The following ASIC2 variants were observed in gnomAD, a reference collection of about 807,000 sequenced individuals.
ASIC2 encodes the protein acid-sensing ion channel 2.
Under a neutral mutation model 57.3 loss-of-function variants are expected in ASIC2, and 25 were observed. The observed-to-expected ratio is 0.44, with a 90% CI of 0.32 to 0.61. The LOEUF (loss-of-function observed/expected upper bound fraction) is 0.61. ASIC2 is among the 20% of genes least tolerant of loss of function. ASIC2 has a pLI of 0.06. For missense variants in ASIC2, 641 were observed against 738.1 expected (o/e 0.87, Z 1.52); for synonymous variants, 319 against 307.5 (o/e 1.04, Z -0.39).
chr17:33,876,010 TA>T (rs1489685488), intron 1 of ASIC2, among the ~76,000 whole-genome samples: 1 of 152,110 alleles, frequency 6.6e-6, no homozygotes, highest in Non-Finnish European at 1.5e-5. Flanking sequence ...CAAACATATT[TA>T]AAATAAAAAA....
intron 1 of ASIC2, among the ~76,000 whole-genome samples, chr17:33,207,033 C>T (rs574391673): frequency 2.9e-4 from 44 of 152,220 alleles, no homozygotes; most frequent in African/African-American, 9.4e-4. Context: ...TAATAATTCC[C>T]GCCCTGACCA....
rs575579414 is a variant in ASIC2 at position 33,986,805 on chromosome 17, G to T, written c.555+169173C>A. On this transcript the variant is annotated intron_variant, in intron 1 of 9. Coordinates refer to the ASIC2 transcript ENST00000359872. ...ATCTGGGTCTCAGGGAGATTAAGTA[G>T]CTTACAGAGCTGGGATTTGGATAAA... is the stretch of plus-strand genomic sequence containing the variant. 8.5e-5 allele frequency among the ~76,000 whole-genome samples: 13 copies of T among 152,240 alleles called. No individual in the cohort carries two copies. In the South Asian group the frequency reaches 2.7e-3, roughly 32 times the overall value.
chr17:33,849,509 T>C (rs2141914470), intron 1 of ASIC2, among the ~76,000 whole-genome samples: 1 of 152,298 alleles, frequency 6.6e-6, no homozygotes, highest in African/African-American at 2.4e-5. Flanking sequence ...CCAAGTCTGT[T>C]CTCTTAAAAA....
At position 33,342,279 on chromosome 17, in the gene ASIC2, C is replaced by T. The variant is rs572457077; in HGVS notation, c.556-230212G>A. ...CCTTACTCATTGTTAGGGCTTTGAA[C>T]TGCAAATTGGCTTTTTGTGGAGAGT... On this transcript the variant is annotated intron_variant, in intron 1 of 9. Transcript: ENST00000359872. Among the ~76,000 whole-genome samples the T allele has an allele frequency of 9.2e-5, 14 of 152,056 alleles. No individual in the cohort carries two copies. The South Asian group carries it at 2.3e-3, about 25-fold the overall frequency.
chr17:33,580,798 A>T (rs185594615), intron 1 of ASIC2, among the ~76,000 whole-genome samples: 1 of 152,350 alleles, frequency 6.6e-6, no homozygotes, highest in Non-Finnish European at 1.5e-5. Context: ...GATATGAAAA[A>T]TAACTAAGTT....
rs544285451 is a variant in ASIC2 at position 33,374,775 on chromosome 17, A to G, written c.556-262708T>C. Among the ~76,000 whole-genome samples, 3 of 152,218 alleles carry G rather than the reference A, an allele frequency of 2.0e-5. No individual in the cohort carries two copies. In the South Asian group the frequency reaches 6.2e-4, roughly 32 times the overall value. On this transcript the variant is annotated intron_variant, in intron 1 of 9. Transcript: ENST00000359872. ...GCCTCAATGTTTCCACTTGGCACCC[A>G]CAGGACCCTGAGCCTATTTTTCACT...
chr17:34,054,603 T>C (rs2142056098), intron 1 of ASIC2, among the ~76,000 whole-genome samples: 1 of 152,276 alleles, frequency 6.6e-6, no homozygotes, highest in South Asian at 2.1e-4. Context: ...CTTCAAAACA[T>C]GCCAAAATAG....
At chr17:33,557,258 C>T (rs1010302513) in intron 1 of ASIC2, among the ~76,000 whole-genome samples, 1 of 150,866 alleles carries the variant, frequency 6.6e-6, no homozygotes, top group African/African-American at 2.4e-5. Flanking sequence ...CAAGTGTAGT[C>T]TCAGGTCTAT....
chr17:33,545,483 T>C (rs997188055), intron 1 of ASIC2, among the ~76,000 whole-genome samples: 22 of 152,176 alleles, frequency 1.4e-4, no homozygotes, highest in Non-Finnish European at 1.2e-4. Context: ...GGATTTCTAC[T>C]GTGCTCTATT....
intron 1 of ASIC2, among the ~76,000 whole-genome samples, chr17:34,057,683 G>C (rs1908819892): frequency 6.6e-6 from 1 of 152,200 alleles, no homozygotes; most frequent in South Asian, 2.1e-4. Context: ...AGGCAAGAGG[G>C]TCAAGGATTA....
intron 3 of ASIC2, among the ~76,000 whole-genome samples, chr17:33,062,371 T>G (rs2092024474): frequency 6.6e-6 from 1 of 152,224 alleles, no homozygotes; most frequent in South Asian, 2.1e-4. Flanking sequence ...GTCTTTGTTC[T>G]TGTTGGTTTC....
chr17:34,079,342 A>G (rs1311725729), intron 1 of ASIC2, among the ~76,000 whole-genome samples: 1 of 152,056 alleles, frequency 6.6e-6, no homozygotes, highest in African/African-American at 2.4e-5. Context: ...TGGTTTTCCA[A>G]ACTCATCTCT....
intron 1 of ASIC2, among the ~76,000 whole-genome samples, chr17:33,963,704 A>C (rs1244230112): frequency 6.6e-6 from 1 of 152,142 alleles, no homozygotes; most frequent in Non-Finnish European, 1.5e-5. Flanking sequence ...TCTGAATGAG[A>C]CCTTTAAACT....
intron 1 of ASIC2, among the ~76,000 whole-genome samples, chr17:33,311,426 A>ATC (rs1481554589): frequency 8.5e-6 from 1 of 118,334 alleles, no homozygotes; most frequent in East Asian, 3.1e-4. Flanking sequence ...CTGTCTGTCT[A>ATC]TCTGTGTGTG....
At chr17:33,545,568 G>A (rs541290139) in intron 1 of ASIC2, among the ~76,000 whole-genome samples, 2 of 152,140 alleles carry the variant, frequency 1.3e-5, no homozygotes, top group African/African-American at 4.8e-5. Context: ...TTTCTCCCCA[G>A]CCACCTCTAA....
intron 1 of ASIC2, among the ~76,000 whole-genome samples, chr17:33,255,757 T>C (rs1909045604): frequency 6.6e-6 from 1 of 152,232 alleles, no homozygotes; most frequent in Non-Finnish European, 1.5e-5. Flanking sequence ...AAGGTGTTTA[T>C]AATTAATAAT....
At chr17:33,138,115 T>C (rs535039032) in intron 1 of ASIC2, among the ~76,000 whole-genome samples, 1 of 152,054 alleles carries the variant, frequency 6.6e-6, no homozygotes, top group African/African-American at 2.4e-5. Context: ...ATTCAAGAGG[T>C]CTGGCACCAG....
intron 1 of ASIC2, among the ~76,000 whole-genome samples, chr17:33,537,157 A>T (rs985600785): frequency 7.9e-5 from 12 of 151,962 alleles, no homozygotes; most frequent in African/African-American, 2.9e-4. Context: ...CACCTTTCTG[A>T]CTCAGCCTCT....
chr17:33,864,660 C>A (rs1212723225), intron 1 of ASIC2, among the ~76,000 whole-genome samples: 2 of 152,096 alleles, frequency 1.3e-5, no homozygotes, highest in Non-Finnish European at 1.5e-5. Context: ...GAACAGGTAC[C>A]CTATGCACTG....
Sources: gnomAD v4.1 joint callset for allele counts (sites outside exome capture counted in the v4.1 genomes callset) on GRCh38, gnomAD v4.1.1 for gene constraint, MANE v1.5 for transcripts, NCBI Gene and HGNC (gene_info 2026-07-23, HGNC 2026-07-21) for gene names.